The following WDR7 variants were observed in gnomAD, a reference collection of about 807,000 sequenced individuals.
The protein encoded by WDR7 is WD repeat-containing protein 7.
A neutral mutation model predicts 169.4 loss-of-function variants in WDR7; 46 were observed. The ratio of observed to expected loss-of-function variants is 0.27; its 90% CI spans 0.21 to 0.35. The LOEUF (loss-of-function observed/expected upper bound fraction) is 0.35, where lower values mean the gene tolerates loss of function less well. Ranked by LOEUF, WDR7 falls within the 10% of genes least tolerant of loss-of-function variation. The pLI is 1.00. For synonymous variants in WDR7, 612 were observed against 666.8 expected (o/e 0.92, Z 1.27); for missense variants, 1,534 against 1,859.3 (o/e 0.83, Z 3.22).
At chr18:56,961,773 A>C (rs141763393) in intron 25 of WDR7, among the ~76,000 whole-genome samples, 1 of 152,302 alleles carries the variant, frequency 6.6e-6, no homozygotes, top group East Asian at 1.9e-4. Context: ...ATAAGTACCA[A>C]ATATGCTTAT....
At chr18:56,894,301 A>C (rs927087193) in intron 21 of WDR7, among the ~76,000 whole-genome samples, 1 of 152,006 alleles carries the variant, frequency 6.6e-6, no homozygotes, top group African/African-American at 2.4e-5. Context: ...AAAATTCTGC[A>C]AGGGTCTAAA....
chr18:56,845,401 A>C (rs189769475), intron 20 of WDR7, among the ~76,000 whole-genome samples: 2 of 152,236 alleles, frequency 1.3e-5, no homozygotes, highest in Non-Finnish European at 1.5e-5. Context: ...TATTTTAAAT[A>C]TCTTTTCCAC....
At chr18:56,732,309 A>G (rs1404895245) in intron 14 of WDR7, among the ~76,000 whole-genome samples, 1 of 152,212 alleles carries the variant, frequency 6.6e-6, no homozygotes, top group Non-Finnish European at 1.5e-5. Context: ...TAATGGATAA[A>G]TCAAACCTAG....
intron 19 of WDR7, chr18:56,782,120 G>A (rs1373032796): frequency 6.6e-6 from 1 of 152,276 alleles, no homozygotes; most frequent in African/African-American, 2.4e-5. Context: ...AGAAAATTGG[G>A]AAGGATTTTG....
At position 56,856,055 on chromosome 18, in the gene WDR7, C is replaced by T. The variant is rs542801947; in HGVS notation, c.3305-23889C>T. On this transcript the variant is annotated intron_variant, in intron 20 of 27. Transcript: ENST00000254442. ...ACCGGGTGAGGGATGGCGAAGAAGC[C>T]AGGGGAGCGCAGGGAAAATCCTAGA... is the stretch of plus-strand genomic sequence containing the variant. 4.6e-5 allele frequency among the ~76,000 whole-genome samples: 7 copies of T among 152,196 alleles called. No individual in the cohort carries two copies. In the South Asian group the frequency reaches 1.5e-3, roughly 32 times the overall value.
chr18:56,913,754 C>T (rs935503467), intron 21 of WDR7, among the ~76,000 whole-genome samples: 3 of 151,986 alleles, frequency 2.0e-5, no homozygotes, highest in African/African-American at 7.3e-5. Flanking sequence ...GTGATCACAC[C>T]ACTGCACTCC....
At chr18:56,781,798 T>C in intron 19 of WDR7, 142 bp downstream of exon 19, 1 of 973,542 alleles carries the variant, frequency 1.0e-6, no homozygotes, top group South Asian at 4.5e-5. Flanking sequence ...TCAAATTCAC[T>C]TTATTATTTT....
intron 25 of WDR7, among the ~76,000 whole-genome samples, chr18:56,960,178 G>A (rs1349821555): frequency 2.6e-5 from 4 of 152,240 alleles, no homozygotes; most frequent in East Asian, 1.9e-4. Flanking sequence ...GTCCTTTCAG[G>A]AAAAGTAACG....
chr18:56,657,618 G>A (rs1045518005), intron 1 of WDR7, among the ~76,000 whole-genome samples: 1 of 152,198 alleles, frequency 6.6e-6, no homozygotes, highest in Admixed American at 6.5e-5. Context: ...TCAATAAGAG[G>A]ACATGTTCTC....
chr18:57,030,504 A>G (rs2048434967), downstream of WDR7: 1 of 152,326 alleles, frequency 6.6e-6, no homozygotes, highest in South Asian at 2.1e-4. Context: ...ACAGTTCTAT[A>G]TGATCAGCGA....
chr18:56,897,805 G>C (rs2046349859), intron 21 of WDR7, among the ~76,000 whole-genome samples: 1 of 151,964 alleles, frequency 6.6e-6, no homozygotes, highest in African/African-American at 2.4e-5. Context: ...TAAGGAAAAA[G>C]AAAAGGGTAG....
intron 15 of WDR7, 43 bp from the exon 16 acceptor site, chr18:56,758,822 A>G (rs1024893457): frequency 2.8e-6 from 4 of 1,450,666 alleles, no homozygotes; most frequent in African/African-American, 2.9e-5. Flanking sequence ...TGGAAATATG[A>G]CAGTATCAAA....
chr18:56,807,050 C>T (rs1286856751), intron 19 of WDR7, among the ~76,000 whole-genome samples: 1 of 149,148 alleles, frequency 6.7e-6, no homozygotes, highest in Non-Finnish European at 1.5e-5. Flanking sequence ...AAGCAGCTTG[C>T]TGTTATAAAT....
intron 19 of WDR7, among the ~76,000 whole-genome samples, chr18:56,812,301 T>C (rs1425499383): frequency 6.6e-6 from 1 of 152,252 alleles, no homozygotes; most frequent in Non-Finnish European, 1.5e-5. Context: ...ATAGAATCGA[T>C]GTTTTCCATG....
intron 26 of WDR7, among the ~76,000 whole-genome samples, chr18:56,963,966 T>G (rs2047370664): frequency 1.3e-5 from 2 of 150,536 alleles, no homozygotes; most frequent in African/African-American, 4.9e-5. Context: ...GGTGACCTTG[T>G]CAGGCTTCTT....
intron 16 of WDR7, 34 bp downstream of exon 16, chr18:56,758,987 C>T: frequency 1.3e-6 from 2 of 1,547,654 alleles, no homozygotes; most frequent in Non-Finnish European, 1.8e-6. Flanking sequence ...ATTGACATGA[C>T]ATTTCAGCTC....
At chr18:56,793,313 A>G (rs1473962059) in intron 19 of WDR7, among the ~76,000 whole-genome samples, 1 of 152,192 alleles carries the variant, frequency 6.6e-6, no homozygotes, top group African/African-American at 2.4e-5. Context: ...GTGCAGATTC[A>G]TATATATTCA....
At chr18:56,657,623 G>A (rs148619889) in intron 1 of WDR7, among the ~76,000 whole-genome samples, 98 of 152,346 alleles carry the variant, frequency 6.4e-4, no homozygotes, top group African/African-American at 2.2e-3. Context: ...AAGAGGACAT[G>A]TTCTCACTGA....
At chr18:56,694,478 T>G (rs2025652351) in intron 9 of WDR7, 141 bp from the exon 10 acceptor site, 2 of 686,880 alleles carry the variant, frequency 2.9e-6, no homozygotes, top group Non-Finnish European at 4.7e-6. Flanking sequence ...ATTAAAATAT[T>G]GTTGAATAAT....
Sources: gnomAD v4.1 joint callset for allele counts (sites outside exome capture counted in the v4.1 genomes callset) on GRCh38, gnomAD v4.1.1 for gene constraint, MANE v1.5 for transcripts, NCBI Gene and HGNC (gene_info 2026-07-23, HGNC 2026-07-21) for gene names.